Variants in CERK observed in about 807,000 individuals in gnomAD.
CERK encodes ceramide kinase.
CERK carries 39 observed loss-of-function variants against 63.4 expected under a neutral mutation model. The ratio of observed to expected loss-of-function variants is 0.61; its 90% CI spans 0.48 to 0.80. The LOEUF (loss-of-function observed/expected upper bound fraction) is 0.80, where lower values mean the gene tolerates loss of function less well. Among genes scored for constraint, CERK ranks in the 30% least tolerant of loss-of-function variants. The pLI is 0.00. For missense variants in CERK, 670 were observed against 714.1 expected (o/e 0.94, Z 0.70); for synonymous variants, 302 against 280.0 (o/e 1.08, Z -0.78).
intron 9 of CERK, among the ~76,000 whole-genome samples, chr22:46,694,343 T>C (rs1169131398): frequency 6.6e-6 from 1 of 152,084 alleles, no homozygotes; most frequent in African/African-American, 2.4e-5. Context: ...TTTACACTGG[T>C]CGCATATTAC....
chr22:46,733,208 CAA>C (rs35759818), intron 1 of CERK, among the ~76,000 whole-genome samples: 140 of 77,334 alleles, frequency 1.8e-3, no homozygotes, highest in Admixed American at 2.3e-3. Flanking sequence ...GACTCTGTCT[CAA>C]AAAAAAAAAA....
chr22:46,733,293 A>T (rs1246811719), intron 1 of CERK, among the ~76,000 whole-genome samples: 3 of 144,246 alleles, frequency 2.1e-5, no homozygotes, highest in African/African-American at 7.7e-5. Flanking sequence ...TTTTTATTTT[A>T]TTATTATTAT....
intron 8 of CERK, among the ~76,000 whole-genome samples, chr22:46,698,208 C>T (rs1013410342): frequency 3.9e-5 from 6 of 152,256 alleles, no homozygotes; most frequent in African/African-American, 1.4e-4. Context: ...GGCAGGAGCA[C>T]CTGCTGGGGT....
chr22:46,699,603 A>G, intron 7 of CERK, 138 bp from the exon 8 acceptor site: 1 of 731,014 alleles, frequency 1.4e-6, no homozygotes, highest in South Asian at 1.8e-5. Flanking sequence ...ATTCAGTGCA[A>G]GGATTCTCTC....
intron 6 of CERK, among the ~76,000 whole-genome samples, chr22:46,705,950 T>A (rs895667093): frequency 6.6e-6 from 1 of 151,786 alleles, no homozygotes; most frequent in Non-Finnish European, 1.5e-5. Context: ...GGCAAGAGGA[T>A]CACTTGAGCC....
intron 1 of CERK, among the ~76,000 whole-genome samples, chr22:46,724,731 T>C (rs1395688254): frequency 6.6e-6 from 1 of 152,144 alleles, no homozygotes; most frequent in East Asian, 1.9e-4. Context: ...CCAAAAAGGC[T>C]GGGCTCAGCA....
At position 46,686,837 on chromosome 22, in the gene CERK, C is replaced by A. The variant is rs943983262; in HGVS notation, c.*297G>T. The stretch of plus-strand genomic sequence containing the variant: ...TTATTGCAATAGAGCCACTAACGGG[C>A]CATTTTCTAAACTACACTGTTGACA... On this transcript the variant is annotated 3_prime_UTR_variant, in exon 13 of 13. Coordinates refer to ENST00000216264, the MANE Select transcript of CERK (RefSeq NM_022766.6). The A allele has an allele frequency of 2.9e-6, 1 of 347,502 alleles. No homozygotes were observed. The highest frequency in any genetic ancestry group is 5.4e-6 in the Non-Finnish European group (1 of 185,578). 21.5% of individuals were successfully genotyped at this position (347,502 alleles called of 1,614,324 possible).
chr22:46,707,657 G>A lies in CERK; in HGVS notation c.715+186C>T, dbSNP rs144606627. On this transcript the variant is annotated intron_variant, in intron 6 of 12. Transcript: ENST00000216264. The stretch of plus-strand genomic sequence containing the variant: ...GGAGTCGGGCAACTTTCCTTTCCAC[G>A]AGTGTCTATTTCATTGGGGTCATAC... Among the ~76,000 whole-genome samples the A allele has an allele frequency of 1.3e-3, 198 of 152,308 alleles. 3 individuals are homozygous for A. The highest frequency in any genetic ancestry group is 3.9e-4 in the East Asian group (2 of 5,182).
intron 5 of CERK, 124 bp from the exon 6 acceptor site, chr22:46,708,112 T>A: frequency 8.7e-7 from 1 of 1,144,402 alleles, no homozygotes; most frequent in Non-Finnish European, 1.2e-6. Flanking sequence ...CATCTAGAAG[T>A]GCGGCTCCTG....
At chr22:46,708,691 C>A (rs756193280) in intron 5 of CERK, among the ~76,000 whole-genome samples, 2 of 152,172 alleles carry the variant, frequency 1.3e-5, no homozygotes, top group Non-Finnish European at 2.9e-5. Context: ...CACAGGGAAC[C>A]AACACTGAGG....
At chr22:46,704,640 C>T (rs944069102) in intron 6 of CERK, among the ~76,000 whole-genome samples, 3 of 151,990 alleles carry the variant, frequency 2.0e-5, no homozygotes, top group African/African-American at 7.3e-5. Context: ...GCCTGGCCAA[C>T]ATGGTGAAAC....
chr22:46,710,991 G>A (rs2082837940), intron 5 of CERK, 95 bp downstream of exon 5: 3 of 935,994 alleles, frequency 3.2e-6, no homozygotes, highest in East Asian at 5.0e-5. Context: ...GGAGGCGGGG[G>A]GCGGATTTAG....
At chr22:46,693,335 G>T in intron 10 of CERK, 92 bp downstream of exon 10, 1 of 1,008,612 alleles carries the variant, frequency 9.9e-7, no homozygotes, top group Non-Finnish European at 1.6e-6. Flanking sequence ...AGCACAGGTG[G>T]GCAGGGAGAA....
chr22:46,689,322 G>A (rs1051126121), intron 12 of CERK, among the ~76,000 whole-genome samples: 3 of 152,264 alleles, frequency 2.0e-5, no homozygotes, highest in African/African-American at 7.2e-5. Context: ...CGGTTCCCTG[G>A]TGGATTCAGT....
At chr22:46,728,893 G>T (rs1223399789) in intron 1 of CERK, among the ~76,000 whole-genome samples, 1 of 152,204 alleles carries the variant, frequency 6.6e-6, no homozygotes, top group African/African-American at 2.4e-5. Flanking sequence ...CAGAGGAGAG[G>T]GGGCTGGAGC....
intron 12 of CERK, 84 bp from the exon 13 acceptor site, chr22:46,687,290 A>AGTGGGG: frequency 1.8e-4 from 101 of 558,048 alleles, no homozygotes; most frequent in Middle Eastern, 5.3e-4. Flanking sequence ...CAGGGGCTGC[A>AGTGGGG]GTAAACCCCA....
intron 1 of CERK, among the ~76,000 whole-genome samples, chr22:46,734,409 T>C (rs574652253): frequency 9.6e-4 from 145 of 151,282 alleles, no homozygotes; most frequent in Non-Finnish European, 1.5e-3. Flanking sequence ...GACGTGCACA[T>C]GGCATGATTC....
At chr22:46,696,488 C>T (rs558101646) in intron 8 of CERK, among the ~76,000 whole-genome samples, 47 of 152,322 alleles carry the variant, frequency 3.1e-4, no homozygotes, top group Non-Finnish European at 6.0e-4. Flanking sequence ...TGCCTCATCA[C>T]CCAGACGCAG....
Position 46,711,123 on chromosome 22 carries a change from C to T in CERK, c.532G>A (p.Glu178Lys). The T allele has an allele frequency of 1.2e-6, 2 of 1,613,874 alleles. No individual in the cohort carries two copies. The highest frequency in any genetic ancestry group is 1.7e-6 in the Non-Finnish European group (2 of 1,179,770). Residue 178 changes from glutamate to lysine, a missense_variant, in exon 5 of 13, where the codon GAG (glutamate) becomes AAG (lysine). Physicochemically the swap from Glu to Lys is moderately conservative, Grantham distance 56. Coordinates refer to ENST00000216264, the MANE Select transcript of CERK (RefSeq NM_022766.6). ...IVTEHANQAKETLYEINIDKY... is the reference protein window; with the variant it reads ...IVTEHANQAKKTLYEINIDKY... Reference sequence around the variant, plus strand: ...TCTATGTTAATCTCATACAGAGTCTCCTTGGCCTGATTAGCATGTTCAGTA... The same window carrying T: ...TCTATGTTAATCTCATACAGAGTCTTCTTGGCCTGATTAGCATGTTCAGTA...
Sources: gnomAD v4.1 joint callset for allele counts (sites outside exome capture counted in the v4.1 genomes callset) on GRCh38, gnomAD v4.1.1 for gene constraint, MANE v1.5 for transcripts, NCBI Gene and HGNC (gene_info 2026-07-23, HGNC 2026-07-21) for gene names.